STT3B: variants seen among roughly 807,000 people sequenced by gnomAD.
The protein encoded by STT3B is dolichyl-diphosphooligosaccharide--protein glycosyltransferase subunit STT3B.
Under a neutral mutation model 96.8 loss-of-function variants are expected in STT3B, and 29 were observed. The ratio of observed to expected loss-of-function variants is 0.30; its 90% CI spans 0.22 to 0.41. STT3B has a LOEUF of 0.41. Ranked by LOEUF, STT3B falls within the 10% of genes least tolerant of loss-of-function variation. The pLI is 1.00. For synonymous variants in STT3B, 367 were observed against 360.0 expected (o/e 1.02, Z -0.22); for missense variants, 640 against 1,022.3 (o/e 0.63, Z 5.10).
At chr3:31,567,636 C>T (rs939091955) in intron 1 of STT3B, among the ~76,000 whole-genome samples, 1 of 152,044 alleles carries the variant, frequency 6.6e-6, no homozygotes, top group Non-Finnish European at 1.5e-5. Context: ...AAACCCTTTG[C>T]CACCTCAAAA....
intron 1 of STT3B, 41 bp downstream of exon 1, chr3:31,533,353 G>T: frequency 6.9e-7 from 1 of 1,446,534 alleles, no homozygotes; most frequent in Admixed American, 2.4e-5. Flanking sequence ...TGGCCCGCGG[G>T]GAACCGGGAC....
intron 1 of STT3B, among the ~76,000 whole-genome samples, chr3:31,561,404 A>G (rs184794169): frequency 2.4e-4 from 36 of 152,254 alleles, no homozygotes; most frequent in African/African-American, 7.9e-4. Flanking sequence ...CCCCTCAAGC[A>G]TTTATCATTT....
chr3:31,579,357 G>A (rs1698330177), intron 2 of STT3B, among the ~76,000 whole-genome samples: 1 of 150,700 alleles, frequency 6.6e-6, no homozygotes, highest in Admixed American at 6.6e-5. Context: ...AAATAATTTT[G>A]TGTGTAATTT....
At chr3:31,626,882 T>A (rs1699549081) in intron 13 of STT3B, among the ~76,000 whole-genome samples, 1 of 152,228 alleles carries the variant, frequency 6.6e-6, no homozygotes, top group Non-Finnish European at 1.5e-5. Flanking sequence ...CTTTATGTTT[T>A]GCCTTCCTTT....
rs770679361 is a variant in STT3B at position 31,532,982 on chromosome 3, C to T, written c.-17C>T. 34 of 1,581,260 alleles carry T rather than the reference C, an allele frequency of 2.2e-5. No individual in the cohort carries two copies. The South Asian group carries it at 2.9e-4, about 14-fold the overall frequency. On this transcript the variant is annotated 5_prime_UTR_variant, in exon 1 of 16. Transcript: ENST00000295770. Reference sequence around the variant, plus strand: ...GGCGGCGGAGGAGGAGAGCTAGACCCGCCGCCGGGGCACAACATGGCGGAG... The same window carrying T: ...GGCGGCGGAGGAGGAGAGCTAGACCTGCCGCCGGGGCACAACATGGCGGAG...
At chr3:31,626,681 G>C (rs554562132) in intron 13 of STT3B, among the ~76,000 whole-genome samples, 23 of 152,278 alleles carry the variant, frequency 1.5e-4, no homozygotes, top group Non-Finnish European at 2.5e-4. Context: ...CTAGTTCTAG[G>C]ATCTGGAATT....
chr3:31,577,718 A>G (rs1575422911), intron 2 of STT3B, among the ~76,000 whole-genome samples: 1 of 152,272 alleles, frequency 6.6e-6, no homozygotes, highest in East Asian at 1.9e-4. Flanking sequence ...AGAAAGACAT[A>G]AAGAGATGAA....
intron 3 of STT3B, among the ~76,000 whole-genome samples, chr3:31,584,034 A>G (rs1182364409): frequency 1.3e-5 from 2 of 152,186 alleles, no homozygotes; most frequent in African/African-American, 4.8e-5. Context: ...GTTTCCTTCT[A>G]AAGATTTTAT....
intron 1 of STT3B, among the ~76,000 whole-genome samples, chr3:31,542,308 G>C (rs1697296762): frequency 1.3e-5 from 2 of 152,198 alleles, no homozygotes; most frequent in African/African-American, 4.8e-5. Context: ...GAGAATACTG[G>C]AACTGGAGGT....
At chr3:31,538,223 G>T (rs1443351738) in intron 1 of STT3B, among the ~76,000 whole-genome samples, 3 of 152,098 alleles carry the variant, frequency 2.0e-5, no homozygotes, top group African/African-American at 7.2e-5. Flanking sequence ...TTGTTACTAT[G>T]ATATGAAGAA....
At chr3:31,623,522 A>G (rs1699472078) in intron 10 of STT3B, 152 bp from the exon 11 acceptor site, 14 of 609,730 alleles carry the variant, frequency 2.3e-5, no homozygotes, top group South Asian at 5.3e-5. Flanking sequence ...AAAACACTCC[A>G]TCACCCACAT....
At chr3:31,560,913 CT>C in intron 1 of STT3B, among the ~76,000 whole-genome samples, 1 of 152,048 alleles carries the variant, frequency 6.6e-6, no homozygotes, top group East Asian at 1.9e-4. Flanking sequence ...TTTCTGTTGT[CT>C]TTTATGAAGA....
At chr3:31,612,490 A>G (rs1304304294) in intron 5 of STT3B, among the ~76,000 whole-genome samples, 2 of 152,196 alleles carry the variant, frequency 1.3e-5, no homozygotes, top group East Asian at 1.9e-4. Flanking sequence ...GTCTGTTTCT[A>G]TTAGTTTATC....
chr3:31,552,958 C>T (rs549911065), intron 1 of STT3B, among the ~76,000 whole-genome samples: 11 of 151,772 alleles, frequency 7.2e-5, no homozygotes, highest in East Asian at 5.8e-4. Flanking sequence ...AAAAATTAGC[C>T]GGGCATGGTG....
chr3:31,562,156 C>T (rs773745189), intron 1 of STT3B, among the ~76,000 whole-genome samples: 1 of 152,074 alleles, frequency 6.6e-6, no homozygotes, highest in Non-Finnish European at 1.5e-5. Flanking sequence ...AGTGGTGGGT[C>T]ATGCAGGGGA....
intron 12 of STT3B, among the ~76,000 whole-genome samples, chr3:31,625,488 A>G (rs1699516474): frequency 6.6e-6 from 1 of 152,258 alleles, no homozygotes; most frequent in Non-Finnish European, 1.5e-5. Context: ...GCATAGATTA[A>G]TGTAATCCCC....
At chr3:31,616,050 A>G (rs969117951) in intron 6 of STT3B, among the ~76,000 whole-genome samples, 25 of 151,972 alleles carry the variant, frequency 1.6e-4, no homozygotes, top group Admixed American at 1.1e-3. Context: ...AGAAAAGCAT[A>G]AATTTTACAT....
intron 6 of STT3B, among the ~76,000 whole-genome samples, 153 bp from the exon 7 acceptor site, chr3:31,616,776 A>G (rs1559387876): frequency 6.6e-6 from 1 of 151,982 alleles, no homozygotes; most frequent in East Asian, 1.9e-4. Context: ...TAATTAGGCA[A>G]CTGTCATTTG....
chr3:31,535,846 A>C (rs1697079337), intron 1 of STT3B, among the ~76,000 whole-genome samples: 1 of 152,208 alleles, frequency 6.6e-6, no homozygotes, highest in South Asian at 2.1e-4. Flanking sequence ...GAGCTACTTA[A>C]TTTAGGTATT....
Sources: allele counts gnomAD v4.1 joint callset (sites outside exome capture counted in the v4.1 genomes callset), GRCh38; gene constraint gnomAD v4.1.1; transcripts MANE v1.5; gene names NCBI Gene and HGNC (gene_info 2026-07-23, HGNC 2026-07-21).